Variants in HNF4G observed in about 807,000 individuals in gnomAD.
HNF4G encodes the protein hepatocyte nuclear factor 4 gamma, also known as hepatocyte nuclear factor 4-gamma.
In HNF4G, 21 loss-of-function variants were observed where a neutral mutation model predicts 50.9. The observed-to-expected ratio is 0.41, with a 90% CI of 0.29 to 0.59. The LOEUF (loss-of-function observed/expected upper bound fraction) is 0.59. HNF4G is among the 20% of genes least tolerant of loss of function. HNF4G has a pLI of 0.26. For synonymous variants in HNF4G, 198 were observed against 185.6 expected, an observed-to-expected ratio of 1.07 and a Z score of -0.54; for missense variants, 527 against 559.4, an observed-to-expected ratio of 0.94 and a Z score of 0.58.
intron 1 of HNF4G, chr8:75,485,924 G>C (rs1419764208): frequency 1.3e-5 from 2 of 152,154 alleles, no homozygotes; most frequent in Non-Finnish European, 2.9e-5. Flanking sequence ...ACAGCATTTG[G>C]TAGTCTTTGG....
Position 75,418,853 on chromosome 8 carries a change from G to A in HNF4G, c.-144+10691G>A, listed in dbSNP as rs566848643. Among the ~76,000 whole-genome samples, 7 of 149,354 alleles carry A rather than the reference G, an allele frequency of 4.7e-5. No homozygotes were observed. The East Asian group carries it at 1.2e-3, about 26-fold the overall frequency. On this transcript the variant is annotated intron_variant, in intron 1 of 10. Transcript: ENST00000354370. ...AGCGATTTTCCTGCCTCAGCCTCCC[G>A]AGTAGCTGGGACTACAGGCATGAGC...
At chr8:75,532,491 T>G (rs1405654068) in intron 2 of HNF4G, among the ~76,000 whole-genome samples, 1 of 152,098 alleles carries the variant, frequency 6.6e-6, no homozygotes, top group Non-Finnish European at 1.5e-5. Flanking sequence ...TGTGGGCACC[T>G]TCTATTCCAG....
intron 1 of HNF4G, among the ~76,000 whole-genome samples, chr8:75,418,315 G>A (rs1443025779): frequency 1.3e-5 from 2 of 152,100 alleles, no homozygotes; most frequent in African/African-American, 4.8e-5. Context: ...AGGTACTACT[G>A]GGGGTTAAGA....
intron 1 of HNF4G, among the ~76,000 whole-genome samples, chr8:75,429,158 A>G (rs967553561): frequency 1.3e-5 from 2 of 152,204 alleles, no homozygotes. Flanking sequence ...TACCCATCAC[A>G]GAGAGAGAAT....
At chr8:75,455,084 T>C (rs1282161245) in intron 1 of HNF4G, among the ~76,000 whole-genome samples, 1 of 152,180 alleles carries the variant, frequency 6.6e-6, no homozygotes, top group Non-Finnish European at 1.5e-5. Flanking sequence ...ATTCATTAAA[T>C]GTATTATTCT....
chr8:75,496,053 ATATC>A (rs1812759411), intron 2 of HNF4G, among the ~76,000 whole-genome samples: 1 of 152,116 alleles, frequency 6.6e-6, no homozygotes, highest in Non-Finnish European at 1.5e-5. Flanking sequence ...GAATGACAAA[ATATC>A]TATGGGAAAA....
chr8:75,428,238 G>T (rs895017792), intron 1 of HNF4G, among the ~76,000 whole-genome samples: 1 of 152,042 alleles, frequency 6.6e-6, no homozygotes, highest in Admixed American at 6.6e-5. Context: ...GGCACAACCG[G>T]GGCTTTCCCA....
chr8:75,543,276 A>G (rs1398523243), intron 1 of HNF4G, among the ~76,000 whole-genome samples: 1 of 152,188 alleles, frequency 6.6e-6, no homozygotes. Flanking sequence ...GTTATAAAAG[A>G]TAAAGGAGAG....
intron 1 of HNF4G, among the ~76,000 whole-genome samples, chr8:75,449,070 T>C (rs899838000): frequency 1.3e-5 from 2 of 152,122 alleles, no homozygotes; most frequent in Admixed American, 6.6e-5. Flanking sequence ...CCCAAAAAGT[T>C]GTTTAAATAA....
chr8:75,532,850 T>C lies in HNF4G; in HGVS notation c.-23-10961T>C, dbSNP rs545925702. 2.6e-5 allele frequency among the ~76,000 whole-genome samples: 4 copies of C among 152,188 alleles called. No homozygotes were observed. The South Asian group carries it at 8.3e-4, about 32-fold the overall frequency. ...CTGCAAACCAATAAATTTGTTCTGT[T>C]GCAGAAGTCTAAATGTGTAGGATAA... is the stretch of plus-strand genomic sequence containing the variant. On this transcript the variant is annotated intron_variant, in intron 2 of 10. Transcript: ENST00000354370.
At chr8:75,485,785 T>C (rs1348072693) in intron 1 of HNF4G, 2 of 152,208 alleles carry the variant, frequency 1.3e-5, no homozygotes, top group African/African-American at 4.8e-5. Context: ...TTTCTTCCAG[T>C]GATTGCTGCC....
Position 75,564,227 on chromosome 8 carries a change from A to ATT in HNF4G, c.*134_*135dup. The ATT allele has an allele frequency of 1.1e-6, 1 of 871,052 alleles. No homozygotes were observed. Among genetic ancestry groups the ATT allele is most frequent in the Non-Finnish European group, 1.7e-6 (1 of 571,662 alleles). The allele number at this position is 871,052 out of a possible 1,614,324, so 54.0% of individuals were successfully genotyped here. ...TGGTGCTGTTATAAGATGGTGTCCT[A>ATT]TTTTCTTGTTTATACGTTCATTCTG... is the stretch of plus-strand genomic sequence containing the variant. On this transcript the variant is annotated 3_prime_UTR_variant, in exon 10 of 10. Transcript: ENST00000396423.
chr8:75,466,636 C>CGCCCTTCCCTTCCCT (rs1197117089), intron 1 of HNF4G, among the ~76,000 whole-genome samples: 12 of 38,730 alleles, frequency 3.1e-4, no homozygotes, highest in Admixed American at 6.2e-4. Flanking sequence ...TTCCTTCCTT[C>CGCCCTTCCCTTCCCT]TCCCTTCCCT....
intron 2 of HNF4G, among the ~76,000 whole-genome samples, chr8:75,520,096 A>T (rs1806000939): frequency 1.3e-5 from 2 of 151,924 alleles, no homozygotes; most frequent in Non-Finnish European, 2.9e-5. Context: ...TCTACCTTAG[A>T]TATTATAAGT....
intron 1 of HNF4G, chr8:75,485,680 T>A (rs1812482299): frequency 6.6e-6 from 1 of 152,222 alleles, no homozygotes; most frequent in African/African-American, 2.4e-5. Flanking sequence ...TAAACTTGCC[T>A]TTCAAAAATT....
intron 1 of HNF4G, among the ~76,000 whole-genome samples, chr8:75,441,816 G>T (rs1445732118): frequency 1.3e-5 from 2 of 152,122 alleles, no homozygotes; most frequent in Non-Finnish European, 2.9e-5. Flanking sequence ...TGGGTCCACA[G>T]ACCACACATT....
chr8:75,508,881 G>C (rs967412076), intron 2 of HNF4G, among the ~76,000 whole-genome samples: 6 of 152,232 alleles, frequency 3.9e-5, no homozygotes, highest in African/African-American at 1.4e-4. Context: ...TCTATCCTAA[G>C]AGCAGTGGAA....
At position 75,529,868 on chromosome 8, in the gene HNF4G, TTTA is replaced by T. The variant is rs145386430; in HGVS notation, c.-23-13942_-23-13940del. ...TTTTAATTTTTAAAAATATTTAATT[TTTA>T]AACACTTAATTTTGTTGTCCTCTCC... On this transcript the variant is annotated intron_variant, in intron 2 of 10. Coordinates refer to the HNF4G transcript ENST00000354370. Among the ~76,000 whole-genome samples the T allele has an allele frequency of 1.2e-3, 188 of 152,290 alleles. 2 individuals carry two copies. The highest frequency in any genetic ancestry group is 5.3e-4 in the Non-Finnish European group (36 of 68,032).
chr8:75,549,424 A>G (rs1806880539), intron 3 of HNF4G, among the ~76,000 whole-genome samples: 1 of 152,156 alleles, frequency 6.6e-6, no homozygotes, highest in African/African-American at 2.4e-5. Context: ...TGCATTTCCA[A>G]ATAAGTCAGT....
Sources: gnomAD v4.1 joint callset for allele counts (sites outside exome capture counted in the v4.1 genomes callset) on GRCh38, gnomAD v4.1.1 for gene constraint, MANE v1.5 for transcripts, NCBI Gene and HGNC (gene_info 2026-07-23, HGNC 2026-07-21) for gene names.